Variants in TUSC3 observed in about 807,000 individuals in gnomAD.
TUSC3 encodes the protein tumor suppressor candidate 3, also known as dolichyl-diphosphooligosaccharide--protein glycosyltransferase subunit TUSC3.
In TUSC3, 45 loss-of-function variants were observed where a neutral mutation model predicts 44.8. The ratio of observed to expected loss-of-function variants is 1.00; its 90% confidence interval spans 0.79 to 1.29. The LOEUF is 1.29. Ranked by LOEUF, TUSC3 falls within the 50% of genes most tolerant of loss-of-function variation. TUSC3 has a pLI of 0.00. For synonymous variants in TUSC3, 212 were observed against 152.9 expected (o/e 1.39, Z -2.85); for missense variants, 519 against 437.9 (o/e 1.19, Z -1.65).
At chr8:15,539,345 CTTTTTTTTTTTT>C (rs35685582), upstream of TUSC3, among the ~76,000 whole-genome samples, 4 of 69,400 alleles carry the variant, frequency 5.8e-5, no homozygotes, top group Non-Finnish European at 7.5e-5. Context: ...TGCTATGGTT[CTTTTTTTTTTTT>C]TTTTTTTTTT....
chr8:15,600,383 G>C (rs1257132657), intron 1 of TUSC3, among the ~76,000 whole-genome samples: 1 of 151,728 alleles, frequency 6.6e-6, no homozygotes, highest in Non-Finnish European at 1.5e-5. Context: ...GTTTGATTAG[G>C]ATGTCAGTAG....
At position 15,437,291 on chromosome 8, in the gene TUSC3, A is replaced by C. The variant is rs569556677; in HGVS notation, n.91+19986A>C. Among the ~76,000 whole-genome samples the C allele has an allele frequency of 7.2e-5, 11 of 152,346 alleles. No homozygotes were observed. In the East Asian group the frequency reaches 1.9e-3, roughly 27 times the overall value. The stretch of plus-strand genomic sequence containing the variant: ...CCATTTATTTCATCAGATAAAAGCA[A>C]AAGGGGTTATAAACTTGAGGCTGTT... On this transcript the variant is annotated intron_variant and non_coding_transcript_variant, in intron 1 of 5. Coordinates refer to the TUSC3 transcript ENST00000503191.
chr8:15,837,828 C>G, the TUSC3 span, among the ~76,000 whole-genome samples: 1 of 152,148 alleles, frequency 6.6e-6, no homozygotes, highest in African/African-American at 2.4e-5. Context: ...CTTTTTCAAA[C>G]CCCATCTCTT....
intron 7 of TUSC3, among the ~76,000 whole-genome samples, chr8:15,740,526 A>T (rs897562358): frequency 6.6e-6 from 1 of 152,058 alleles, no homozygotes; most frequent in Non-Finnish European, 1.5e-5. Context: ...AGGAAAAAAA[A>T]AGAACAAGCA....
chr8:15,808,004 A>G, the TUSC3 span, among the ~76,000 whole-genome samples: 1 of 145,768 alleles, frequency 6.9e-6, no homozygotes, highest in Non-Finnish European at 1.5e-5. Context: ...ATGTACCTCT[A>G]TTGAATCTAA....
At chr8:15,578,175 A>T (rs1177637972) in intron 1 of TUSC3, among the ~76,000 whole-genome samples, 2 of 131,026 alleles carry the variant, frequency 1.5e-5, no homozygotes, top group African/African-American at 5.9e-5. Flanking sequence ...GTATCCTGAG[A>T]CTTTGCTGAA....
At chr8:15,452,773 T>G (rs908428168) in intron 1 of TUSC3, among the ~76,000 whole-genome samples, 18 of 152,174 alleles carry the variant, frequency 1.2e-4, no homozygotes, top group African/African-American at 4.3e-4. Context: ...CAGTACTGCA[T>G]GTAGCACTCT....
At chr8:15,586,314 C>T (rs1013496574) in intron 1 of TUSC3, among the ~76,000 whole-genome samples, 13 of 152,032 alleles carry the variant, frequency 8.6e-5, no homozygotes, top group African/African-American at 2.4e-4. Context: ...GGAAAAACAC[C>T]GTTGTAGTGG....
At chr8:15,836,200 G>A in the TUSC3 span, among the ~76,000 whole-genome samples, 64 of 151,880 alleles carry the variant, frequency 4.2e-4, no homozygotes, top group Non-Finnish European at 8.8e-5. Flanking sequence ...ACACAGCTGG[G>A]CATGGTAGTA....
the TUSC3 span, among the ~76,000 whole-genome samples, chr8:15,850,083 T>C: frequency 6.6e-6 from 1 of 151,290 alleles, no homozygotes; most frequent in African/African-American, 2.4e-5. Flanking sequence ...CTGACAGTGA[T>C]TTATCAAACT....
intron 1 of TUSC3, among the ~76,000 whole-genome samples, chr8:15,462,757 A>G (rs1212863144): frequency 6.6e-6 from 1 of 152,106 alleles, no homozygotes; most frequent in African/African-American, 2.4e-5. Context: ...TTGCACCAGT[A>G]CAGAGCTGTT....
intron 1 of TUSC3, among the ~76,000 whole-genome samples, chr8:15,446,426 A>G (rs1800102949): frequency 6.6e-6 from 1 of 152,034 alleles, no homozygotes. Flanking sequence ...ACTGCACTCC[A>G]GCCTGGGCAA....
the TUSC3 span, among the ~76,000 whole-genome samples, chr8:15,820,413 G>T: frequency 0.012 from 1,756 of 150,254 alleles, 26 homozygotes; most frequent in African/African-American, 0.04. Flanking sequence ...CCAGGTTCAA[G>T]CGATCAAGCG....
intron 1 of TUSC3, among the ~76,000 whole-genome samples, chr8:15,476,103 G>A (rs910483797): frequency 1.1e-4 from 16 of 152,156 alleles, no homozygotes; most frequent in Non-Finnish European, 2.1e-4. Context: ...AACCAATAAA[G>A]TGCAGCCTGT....
At chr8:15,834,601 G>A in the TUSC3 span, among the ~76,000 whole-genome samples, 2 of 151,852 alleles carry the variant, frequency 1.3e-5, no homozygotes, top group Non-Finnish European at 2.9e-5. Flanking sequence ...TTAGCAGCTG[G>A]GTAATCATTG....
At chr8:15,457,934 G>A (rs1194157473) in intron 1 of TUSC3, among the ~76,000 whole-genome samples, 1 of 150,538 alleles carries the variant, frequency 6.6e-6, no homozygotes, top group Non-Finnish European at 1.5e-5. Flanking sequence ...GTACTCCAAT[G>A]ATGAATGAAT....
chr8:15,451,143 G>T lies in TUSC3; in HGVS notation n.92-32243G>T, dbSNP rs969996318. Among the ~76,000 whole-genome samples the T allele has an allele frequency of 2.6e-5, 4 of 152,188 alleles. No homozygotes were observed. The South Asian group carries it at 6.2e-4, about 24-fold the overall frequency. ...AAGCTAGAGGATCAAGTATGTGGTT[G>T]TGATATCATGATATAATAAGATATA... On this transcript the variant is annotated intron_variant and non_coding_transcript_variant, in intron 1 of 5. Transcript: ENST00000503191.
intron 2 of TUSC3, among the ~76,000 whole-genome samples, chr8:15,516,426 T>G (rs1377439007): frequency 6.6e-6 from 1 of 152,204 alleles, no homozygotes; most frequent in East Asian, 1.9e-4. Context: ...TTACCAAGCA[T>G]TACACTTGGG....
the TUSC3 span, among the ~76,000 whole-genome samples, chr8:15,836,823 A>T: frequency 6.6e-6 from 1 of 152,176 alleles, no homozygotes; most frequent in South Asian, 2.1e-4. Context: ...TTAAAAATGG[A>T]TAAACTTGCA....
Sources: allele counts gnomAD v4.1 joint callset (sites outside exome capture counted in the v4.1 genomes callset), GRCh38; gene constraint gnomAD v4.1.1; transcripts MANE v1.5; gene names NCBI Gene and HGNC (gene_info 2026-07-23, HGNC 2026-07-21).